The following DPP10 variants were observed in gnomAD, a reference collection of about 807,000 sequenced individuals.
The protein encoded by DPP10 is inactive dipeptidyl peptidase 10.
A neutral mutation model predicts 120.9 loss-of-function variants in DPP10; 33 were observed. The observed-to-expected ratio is 0.27, with a 90% CI of 0.21 to 0.37. The LOEUF (loss-of-function observed/expected upper bound fraction) is 0.37, where lower values mean the gene tolerates loss of function less well. DPP10 is among the 10% of genes least tolerant of loss of function. The pLI is 1.00. For missense variants in DPP10, 816 were observed against 942.8 expected, an observed-to-expected ratio of 0.87 and a Z score of 1.76; for synonymous variants, 337 against 326.1, an observed-to-expected ratio of 1.03 and a Z score of -0.36.
At chr2:115,551,713 G>A (rs2079884779) in intron 5 of DPP10, among the ~76,000 whole-genome samples, 1 of 151,974 alleles carries the variant, frequency 6.6e-6, no homozygotes, top group Non-Finnish European at 1.5e-5. Flanking sequence ...GTCAAACTAT[G>A]GGAATCCAAT....
At chr2:114,514,056 T>C (rs1684392629) in intron 1 of DPP10, among the ~76,000 whole-genome samples, 2 of 152,206 alleles carry the variant, frequency 1.3e-5, no homozygotes, top group South Asian at 4.1e-4. Flanking sequence ...TGTCCTTCTC[T>C]TTCTCCAAGG....
intron 5 of DPP10, among the ~76,000 whole-genome samples, chr2:115,571,716 G>A (rs201553170): frequency 6.7e-6 from 1 of 148,430 alleles, no homozygotes; most frequent in Non-Finnish European, 1.5e-5. Flanking sequence ...TCTGATTTTA[G>A]AAAAAAATAT....
At chr2:114,613,886 C>T (rs1236311599) in intron 1 of DPP10, among the ~76,000 whole-genome samples, 4 of 152,118 alleles carry the variant, frequency 2.6e-5, no homozygotes, top group East Asian at 1.9e-4. Flanking sequence ...CCAAACACCA[C>T]GTGTTCTCAC....
chr2:114,993,666 A>G (rs184756768), intron 1 of DPP10, among the ~76,000 whole-genome samples: 78 of 149,484 alleles, frequency 5.2e-4, no homozygotes, highest in Non-Finnish European at 8.7e-4. Context: ...ATTTTACCCT[A>G]TGCATAAAAT....
intron 1 of DPP10, among the ~76,000 whole-genome samples, chr2:114,747,761 C>T (rs1341326496): frequency 6.6e-6 from 1 of 152,190 alleles, no homozygotes; most frequent in Non-Finnish European, 1.5e-5. Context: ...TACAGTCCCA[C>T]TTGGTTATTT....
At chr2:114,620,436 A>G (rs1694007004) in intron 1 of DPP10, among the ~76,000 whole-genome samples, 1 of 152,026 alleles carries the variant, frequency 6.6e-6, no homozygotes, top group Non-Finnish European at 1.5e-5. Flanking sequence ...TACTATTCAG[A>G]ACATTAATTT....
intron 1 of DPP10, among the ~76,000 whole-genome samples, chr2:114,742,815 C>T (rs898925259): frequency 6.6e-6 from 1 of 152,186 alleles, no homozygotes; most frequent in African/African-American, 2.4e-5. Context: ...CTTCTTCAGG[C>T]AAATGCAACT....
intron 1 of DPP10, among the ~76,000 whole-genome samples, chr2:114,589,477 G>GTT (rs1691278191): frequency 6.6e-6 from 1 of 152,166 alleles, no homozygotes; most frequent in African/African-American, 2.4e-5. Flanking sequence ...TCATGCATGT[G>GTT]TTTTGAGCTC....
chr2:115,504,937 A>G (rs2076866422), intron 4 of DPP10, among the ~76,000 whole-genome samples: 1 of 152,168 alleles, frequency 6.6e-6, no homozygotes, highest in Non-Finnish European at 1.5e-5. Flanking sequence ...CAAGTGTGAC[A>G]GGATTACCCT....
intron 10 of DPP10, among the ~76,000 whole-genome samples, chr2:115,746,459 A>G (rs887485317): frequency 6.6e-6 from 1 of 152,154 alleles, no homozygotes; most frequent in Non-Finnish European, 1.5e-5. Flanking sequence ...GATGGGAACA[A>G]AAGATCATTT....
chr2:114,659,385 C>T (rs1248354119), intron 1 of DPP10, among the ~76,000 whole-genome samples: 1 of 152,016 alleles, frequency 6.6e-6, no homozygotes, highest in Non-Finnish European at 1.5e-5. Flanking sequence ...AAAGGACCAC[C>T]TCACTGGGGA....
intron 1 of DPP10, among the ~76,000 whole-genome samples, chr2:114,653,172 A>T (rs1321156426): frequency 6.6e-6 from 1 of 152,094 alleles, no homozygotes; most frequent in Non-Finnish European, 1.5e-5. Context: ...TTGCAGACGT[A>T]ATTAGAGATC....
chr2:115,677,259 C>T (rs2090337404), intron 5 of DPP10, among the ~76,000 whole-genome samples: 1 of 152,098 alleles, frequency 6.6e-6, no homozygotes, highest in Non-Finnish European at 1.5e-5. Flanking sequence ...GTGAACCTCA[C>T]TGGTAGAACA....
intron 1 of DPP10, among the ~76,000 whole-genome samples, chr2:115,081,869 AG>A (rs1425434725): frequency 6.6e-6 from 1 of 152,356 alleles, no homozygotes; most frequent in African/African-American, 2.4e-5. Context: ...TTTATCAAGA[AG>A]GAGTCTTATT....
At chr2:115,597,698 C>T (rs2083073960) in intron 5 of DPP10, among the ~76,000 whole-genome samples, 1 of 151,842 alleles carries the variant, frequency 6.6e-6, no homozygotes, top group Non-Finnish European at 1.5e-5. Flanking sequence ...AATAAAAAAA[C>T]TTTCAAAATC....
intron 3 of DPP10, among the ~76,000 whole-genome samples, chr2:115,427,892 AT>A (rs1220328765): frequency 1.3e-5 from 2 of 152,160 alleles, no homozygotes; most frequent in Admixed American, 6.5e-5. Flanking sequence ...AATTTAAGTC[AT>A]TTCTTTGTTC....
At chr2:115,351,557 A>G (rs2064036815) in intron 3 of DPP10, among the ~76,000 whole-genome samples, 1 of 152,118 alleles carries the variant, frequency 6.6e-6, no homozygotes, top group Non-Finnish European at 1.5e-5. Context: ...ATAAAAAGTA[A>G]AAACACATAG....
chr2:114,513,350 G>A (rs1380297389), intron 1 of DPP10, among the ~76,000 whole-genome samples: 2 of 151,700 alleles, frequency 1.3e-5, no homozygotes, highest in Non-Finnish European at 2.9e-5. Context: ...GTGAAACCCT[G>A]TCTCTACTAA....
intron 5 of DPP10, among the ~76,000 whole-genome samples, chr2:115,627,066 T>TG (rs1017045291): frequency 1.3e-5 from 2 of 152,136 alleles, no homozygotes; most frequent in African/African-American, 4.8e-5. Flanking sequence ...TGACCACATT[T>TG]GGGGTATGTA....
Sources: gnomAD v4.1 joint callset for allele counts (sites outside exome capture counted in the v4.1 genomes callset) on GRCh38, gnomAD v4.1.1 for gene constraint, MANE v1.5 for transcripts, NCBI Gene and HGNC (gene_info 2026-07-23, HGNC 2026-07-21) for gene names.